PRKACB: variants seen among roughly 807,000 people sequenced by gnomAD.
The protein encoded by PRKACB is protein kinase cAMP-activated catalytic subunit beta, also known as cAMP-dependent protein kinase catalytic subunit beta.
Under a neutral mutation model 51.4 loss-of-function variants are expected in PRKACB, and 16 were observed. The observed-to-expected ratio is 0.31, with a 90% CI of 0.21 to 0.47. PRKACB has a LOEUF of 0.47. PRKACB is among the 20% of genes least tolerant of loss of function. The pLI is 1.00. For missense variants in PRKACB, 309 were observed against 464.5 expected (o/e 0.67, Z 3.08); for synonymous variants, 147 against 154.4 (o/e 0.95, Z 0.35).
intron 9 of PRKACB, among the ~76,000 whole-genome samples, chr1:84,231,492 A>G (rs1457168367): frequency 6.6e-6 from 1 of 152,166 alleles, no homozygotes; most frequent in Non-Finnish European, 1.5e-5. Context: ...TTTCAGAAGG[A>G]ATGGTACCAA....
chr1:84,232,904 T>C (rs1675972261), intron 9 of PRKACB, among the ~76,000 whole-genome samples: 1 of 152,146 alleles, frequency 6.6e-6, no homozygotes, highest in African/African-American at 2.4e-5. Context: ...GAGAATTTAG[T>C]CCATTTACAT....
chr1:84,170,720 A>T (rs1659165067), intron 1 of PRKACB, among the ~76,000 whole-genome samples: 2 of 151,684 alleles, frequency 1.3e-5, no homozygotes, highest in Admixed American at 1.3e-4. Context: ...AGAACCTGCC[A>T]ATAATGTCAC....
intron 1 of PRKACB, among the ~76,000 whole-genome samples, chr1:84,098,135 C>T (rs1203955326): frequency 2.0e-5 from 3 of 151,928 alleles, no homozygotes; most frequent in African/African-American, 7.2e-5. Flanking sequence ...ATTCAGATAT[C>T]CTTTTTTAGA....
intron 1 of PRKACB, among the ~76,000 whole-genome samples, chr1:84,118,145 A>G (rs972054210): frequency 8.0e-4 from 122 of 152,114 alleles, no homozygotes; most frequent in African/African-American, 2.8e-3. Context: ...TGAACTGCTA[A>G]AGTTCTGTCA....
intron 1 of PRKACB, among the ~76,000 whole-genome samples, chr1:84,109,944 A>G (rs142865633): frequency 1.3e-3 from 195 of 152,074 alleles, no homozygotes; most frequent in Non-Finnish European, 2.4e-3. Context: ...AACTTTTTAT[A>G]TAGTCAAGTA....
chr1:84,083,663 ATATC>A (rs1647725185), intron 1 of PRKACB, among the ~76,000 whole-genome samples: 1 of 152,232 alleles, frequency 6.6e-6, no homozygotes, highest in African/African-American at 2.4e-5. Flanking sequence ...ATGAAGTTCT[ATATC>A]TAGGTGATAA....
chr1:84,117,295 T>C (rs2100869058), intron 1 of PRKACB, among the ~76,000 whole-genome samples: 1 of 152,268 alleles, frequency 6.6e-6, no homozygotes, highest in South Asian at 2.1e-4. Context: ...GGTTTTGGTA[T>C]CAGATTGGTG....
At chr1:84,083,517 C>T (rs922649047) in intron 1 of PRKACB, among the ~76,000 whole-genome samples, 6 of 152,158 alleles carry the variant, frequency 3.9e-5, no homozygotes, top group African/African-American at 1.4e-4. Flanking sequence ...TAAGCCATGG[C>T]TGAGTGACAG....
intron 1 of PRKACB, among the ~76,000 whole-genome samples, chr1:84,118,619 A>C (rs1650817404): frequency 6.6e-6 from 1 of 152,152 alleles, no homozygotes; most frequent in Admixed American, 6.6e-5. Context: ...GTGAAGAAGA[A>C]AGCCTGGAAA....
intron 1 of PRKACB, among the ~76,000 whole-genome samples, chr1:84,121,236 A>G (rs577305361): frequency 1.7e-4 from 26 of 152,024 alleles, no homozygotes; most frequent in Middle Eastern, 3.4e-3. Flanking sequence ...TCACTTTTCT[A>G]TATAGGAACA....
chr1:84,181,620 G>GT, intron 2 of PRKACB: 2 of 1,279,216 alleles, frequency 1.6e-6, no homozygotes, highest in Non-Finnish European at 2.1e-6. Flanking sequence ...ATAATACTGT[G>GT]TTTTTATAAT....
chr1:84,179,148 T>A (rs1304202466), intron 1 of PRKACB, 29 bp from the exon 2 acceptor site: 1 of 1,553,782 alleles, frequency 6.4e-7, no homozygotes, highest in African/African-American at 1.4e-5. Flanking sequence ...TCTTACAAGA[T>A]AAATTTGTTT....
Position 84,235,595 on chromosome 1 carries a change from T to C in PRKACB, c.*290T>C, listed in dbSNP as rs1359314465. 2 of 293,502 alleles carry C rather than the reference T, an allele frequency of 6.8e-6. No homozygotes were observed. Among genetic ancestry groups the C allele is most frequent in the Admixed American group, 5.0e-5 (1 of 20,074 alleles). 18.2% of individuals were successfully genotyped at this position (293,502 alleles called of 1,614,324 possible). ...TCCATTTCTTCCTTTTCCAATTTCA[T>C]TGGTTTTCTCTAAACAGTGCTCCAT... On this transcript the variant is annotated 3_prime_UTR_variant, in exon 10 of 10. Transcript: ENST00000370685.
At chr1:84,197,863 G>T in intron 7 of PRKACB, 39 bp downstream of exon 7, 1 of 1,401,444 alleles carries the variant, frequency 7.1e-7, no homozygotes, top group South Asian at 1.2e-5. Flanking sequence ...GTAGAAATAT[G>T]AGACATGCAT....
At chr1:84,117,533 G>A (rs1650730250) in intron 1 of PRKACB, among the ~76,000 whole-genome samples, 1 of 152,076 alleles carries the variant, frequency 6.6e-6, no homozygotes, top group African/African-American at 2.4e-5. Context: ...ATGTTAGTAA[G>A]TTGTATGTTT....
intron 1 of PRKACB, among the ~76,000 whole-genome samples, chr1:84,113,280 G>A (rs1383124142): frequency 6.6e-6 from 1 of 152,070 alleles, no homozygotes; most frequent in Non-Finnish European, 1.5e-5. Context: ...ATGAAAATGG[G>A]CATAAACTGT....
At chr1:84,109,224 T>G (rs1650020150) in intron 1 of PRKACB, among the ~76,000 whole-genome samples, 1 of 151,992 alleles carries the variant, frequency 6.6e-6, no homozygotes, top group Non-Finnish European at 1.5e-5. Context: ...TACACACATT[T>G]TGGCGAACAT....
At chr1:84,201,706 G>A (rs755019539) in intron 7 of PRKACB, among the ~76,000 whole-genome samples, 7 of 152,030 alleles carry the variant, frequency 4.6e-5, no homozygotes, top group Admixed American at 6.6e-5. Context: ...GTGGTGAGTC[G>A]TGATGGTAGA....
chr1:84,212,515 A>T (rs1230540344), intron 8 of PRKACB, among the ~76,000 whole-genome samples: 1 of 152,204 alleles, frequency 6.6e-6, no homozygotes, highest in African/African-American at 2.4e-5. Context: ...TAAGGAGTCT[A>T]TATATTTGAA....
Sources: allele counts gnomAD v4.1 joint callset (sites outside exome capture counted in the v4.1 genomes callset), GRCh38; gene constraint gnomAD v4.1.1; transcripts MANE v1.5; gene names NCBI Gene and HGNC (gene_info 2026-07-23, HGNC 2026-07-21).